Variants in CCDC83 observed in about 807,000 individuals in gnomAD.
CCDC83 encodes coiled-coil domain-containing protein 83.
In CCDC83, 54 loss-of-function variants were observed where a neutral mutation model predicts 50.1. The observed-to-expected ratio is 1.08, with a 90% CI of 0.87 to 1.35. CCDC83 has a LOEUF of 1.35. Ranked by LOEUF, CCDC83 falls within the 40% of genes most tolerant of loss-of-function variation. The pLI is 0.00. For synonymous variants in CCDC83, 161 were observed against 153.3 expected (o/e 1.05, Z -0.37); for missense variants, 518 against 473.9 (o/e 1.09, Z -0.86).
At chr11:85,888,454 A>T (rs1030769817) in intron 5 of CCDC83, among the ~76,000 whole-genome samples, 1 of 152,186 alleles carries the variant, frequency 6.6e-6, no homozygotes, top group African/African-American at 2.4e-5. Context: ...TCCATAAACC[A>T]TCTGTTCATA....
rs141176392 is a variant in CCDC83, at chr11:85,895,973, T to C, written c.603+589T>C. Among the ~76,000 whole-genome samples the C allele has an allele frequency of 8.6e-4, 131 of 152,280 alleles. No homozygotes were observed. The East Asian group carries it at 0.019, about 23-fold the overall frequency. ...GGACTACAGGCATGTGCCACCACTC[T>C]TGGCTAATCAGTGAATTATTAATCA... On this transcript the variant is annotated intron_variant, in intron 6 of 10. Transcript: ENST00000342404.
intron 5 of CCDC83, among the ~76,000 whole-genome samples, chr11:85,894,349 T>C (rs2093363048): frequency 6.6e-6 from 1 of 152,232 alleles, no homozygotes; most frequent in Non-Finnish European, 1.5e-5. Context: ...TTCCAAACAA[T>C]TGCCCTGCCT....
chr11:85,917,496 G>A (rs191686938), intron 10 of CCDC83, among the ~76,000 whole-genome samples: 294 of 152,258 alleles, frequency 1.9e-3, no homozygotes, highest in African/African-American at 6.7e-3. Flanking sequence ...GCTATCTTTG[G>A]AAAGTACAGA....
chr11:85,919,623 A>C lies in CCDC83; in HGVS notation c.*113A>C. On this transcript the variant is annotated 3_prime_UTR_variant, in exon 11 of 11. Coordinates refer to ENST00000342404, the MANE Select transcript of CCDC83 (RefSeq NM_001286159.2). ...TTGGCTCATTTTTAAACCAGCTGTTATTTCTAAAGGTCATATTTACATTTA... is the reference window on the plus strand; with the variant it reads ...TTGGCTCATTTTTAAACCAGCTGTTCTTTCTAAAGGTCATATTTACATTTA... 1.3e-6 allele frequency: 1 copy of C among 758,512 alleles called. No homozygotes were observed. Among genetic ancestry groups the C allele is most frequent in the South Asian group, 1.7e-5 (1 of 59,032 alleles). 47.0% of individuals were successfully genotyped at this position (758,512 alleles called of 1,614,324 possible). A position where few individuals can be genotyped will look rare whatever the true frequency, so the allele number is the denominator to read the frequency against.
At chr11:85,857,994 G>C (rs556269402) in intron 1 of CCDC83, among the ~76,000 whole-genome samples, 1 of 152,196 alleles carries the variant, frequency 6.6e-6, no homozygotes, top group Non-Finnish European at 1.5e-5. Context: ...CTTTGACATG[G>C]AGATTGATGT....
chr11:85,915,590 C>A (rs1453909125), intron 9 of CCDC83, 92 bp downstream of exon 9: 1 of 820,828 alleles, frequency 1.2e-6, no homozygotes, highest in Non-Finnish European at 1.9e-6. Flanking sequence ...AGGTGCCCCA[C>A]ATACAAAAGC....
intron 1 of CCDC83, among the ~76,000 whole-genome samples, chr11:85,856,426 T>C (rs756950002): frequency 3.0e-4 from 45 of 152,216 alleles, no homozygotes; most frequent in Non-Finnish European, 7.3e-5. Flanking sequence ...GTTATTTTTC[T>C]TTTCTTTGTT....
At chr11:85,855,797 G>GC (rs2093136210) in intron 1 of CCDC83, among the ~76,000 whole-genome samples, 1 of 152,156 alleles carries the variant, frequency 6.6e-6, no homozygotes, top group Non-Finnish European at 1.5e-5. Context: ...CTCTGTGCAG[G>GC]AGCTGGGACT....
At chr11:85,894,359 T>C (rs2093363165) in intron 5 of CCDC83, among the ~76,000 whole-genome samples, 1 of 152,194 alleles carries the variant, frequency 6.6e-6, no homozygotes, top group African/African-American at 2.4e-5. Flanking sequence ...TTGCCCTGCC[T>C]ATGTTACATA....
At chr11:85,884,841 A>AACT (rs1306948464) in intron 4 of CCDC83, among the ~76,000 whole-genome samples, 1 of 152,140 alleles carries the variant, frequency 6.6e-6, no homozygotes, top group Non-Finnish European at 1.5e-5. Context: ...ATGAGAGAAC[A>AACT]ACTACCCATC....
At chr11:85,884,310 A>G (rs1023476270) in intron 4 of CCDC83, among the ~76,000 whole-genome samples, 3 of 152,188 alleles carry the variant, frequency 2.0e-5, no homozygotes, top group African/African-American at 4.8e-5. Flanking sequence ...TGTCCCAGGT[A>G]GTCCCTTGCA....
intron 5 of CCDC83, 27 bp from the exon 6 acceptor site, chr11:85,895,266 T>A: frequency 3.4e-5 from 3 of 89,158 alleles, no homozygotes; most frequent in African/African-American, 3.8e-4. Flanking sequence ...TTAATTTTCT[T>A]TTTTTTTTTT....
chr11:85,882,861 G>A (rs1397283662), intron 4 of CCDC83, among the ~76,000 whole-genome samples, 186 bp downstream of exon 4: 2 of 152,158 alleles, frequency 1.3e-5, no homozygotes, highest in Non-Finnish European at 2.9e-5. Flanking sequence ...GTGGGTAGAG[G>A]TAATGAAGCC....
chr11:85,909,514 G>A (rs1483231964), intron 7 of CCDC83, among the ~76,000 whole-genome samples: 1 of 151,482 alleles, frequency 6.6e-6, no homozygotes, highest in Admixed American at 6.6e-5. Context: ...GCTTTGGGTG[G>A]TGGAGAGGTG....
chr11:85,858,734 AC>A (rs988290519), intron 1 of CCDC83, among the ~76,000 whole-genome samples: 1 of 148,612 alleles, frequency 6.7e-6, no homozygotes, highest in African/African-American at 2.5e-5. Context: ...CTAGGCATTC[AC>A]CCGGTCTGTG....
intron 6 of CCDC83, among the ~76,000 whole-genome samples, chr11:85,897,815 A>G (rs2093382119): frequency 6.6e-6 from 1 of 152,198 alleles, no homozygotes; most frequent in Non-Finnish European, 1.5e-5. Flanking sequence ...ATAATGTAAT[A>G]AGCATGACTT....
At position 85,868,522 on chromosome 11, in the gene CCDC83, G is replaced by A. The variant is rs2093220264; in HGVS notation, c.95+3304G>A. On this transcript the variant is annotated intron_variant, in intron 2 of 10. Coordinates refer to ENST00000342404, the MANE Select transcript of CCDC83 (RefSeq NM_001286159.2). ...CCCCAGTAGCTGGAATTACAGGCAT[G>A]TGCCACCACACCCAGCTAATTTTTT... 2.0e-5 allele frequency among the ~76,000 whole-genome samples: 3 copies of A among 152,190 alleles called. No homozygotes were observed. In the South Asian group the frequency reaches 6.2e-4, roughly 31 times the overall value.
intron 8 of CCDC83, 53 bp from the exon 9 acceptor site, chr11:85,915,366 T>C (rs1267319325): frequency 4.3e-5 from 52 of 1,218,424 alleles, no homozygotes; most frequent in South Asian, 6.3e-5. Context: ...CTAGTAAGCA[T>C]GCAATGCAAT....
At chr11:85,904,522 CT>C (rs2135113067) in intron 7 of CCDC83, among the ~76,000 whole-genome samples, 1 of 152,354 alleles carries the variant, frequency 6.6e-6, no homozygotes, top group Admixed American at 6.5e-5. Flanking sequence ...ACAAAGCTCA[CT>C]GCCTTTTGAG....
Sources: allele counts gnomAD v4.1 joint callset (sites outside exome capture counted in the v4.1 genomes callset), GRCh38; gene constraint gnomAD v4.1.1; transcripts MANE v1.5; gene names NCBI Gene and HGNC (gene_info 2026-07-23, HGNC 2026-07-21).